The following CFAP70 variants were observed in gnomAD, a reference collection of about 807,000 sequenced individuals.
CFAP70 encodes the protein cilia and flagella associated protein 70.
Under a neutral mutation model 137.6 loss-of-function variants are expected in CFAP70, and 81 were observed. The ratio of observed to expected loss-of-function variants is 0.59; its 90% CI spans 0.49 to 0.71. The LOEUF (loss-of-function observed/expected upper bound fraction) is 0.71. CFAP70 is among the 30% of genes least tolerant of loss of function. CFAP70 has a pLI of 0.00. For synonymous variants in CFAP70, 382 were observed against 423.6 expected (o/e 0.90, Z 1.20); for missense variants, 976 against 1,226.7 (o/e 0.80, Z 3.05).
intron 25 of CFAP70, among the ~76,000 whole-genome samples, chr10:73,268,028 C>T (rs1054765894): frequency 8.5e-5 from 13 of 152,202 alleles, no homozygotes; most frequent in African/African-American, 3.1e-4. Flanking sequence ...AAACTCTCTG[C>T]TTTTAGAAGA....
chr10:73,345,031 G>A (rs781088792), intron 5 of CFAP70, 34 bp downstream of exon 6: 113 of 1,588,132 alleles, frequency 7.1e-5, no homozygotes, highest in Middle Eastern at 1.7e-4. Flanking sequence ...AGACATGTTT[G>A]AATCTCTATA....
intron 12 of CFAP70, among the ~76,000 whole-genome samples, chr10:73,307,683 A>G (rs2049506590): frequency 6.6e-6 from 1 of 152,188 alleles, no homozygotes; most frequent in Non-Finnish European, 1.5e-5. Flanking sequence ...AAACATATAC[A>G]ACAGAACCCC....
intron 12 of CFAP70, among the ~76,000 whole-genome samples, chr10:73,299,958 A>G (rs913538008): frequency 6.6e-6 from 1 of 152,114 alleles, no homozygotes; most frequent in Admixed American, 6.5e-5. Flanking sequence ...GTATTTAAAA[A>G]CTTGTGGTAT....
chr10:73,319,639 G>A (rs10466030), intron 9 of CFAP70, among the ~76,000 whole-genome samples: 16,086 of 152,108 alleles, frequency 0.11, 1,227 homozygotes, highest in East Asian at 0.31. Flanking sequence ...TTAGCGCCTG[G>A]TCTTCCTTGC....
intron 25 of CFAP70, among the ~76,000 whole-genome samples, chr10:73,266,862 C>T (rs571810935): frequency 7.9e-5 from 12 of 152,024 alleles, no homozygotes; most frequent in Non-Finnish European, 1.6e-4. Flanking sequence ...CCTATTATGT[C>T]CTTGTTGAAA....
chr10:73,348,591 C>T lies in CFAP70; in HGVS notation c.251-70G>A. ...TATCCGATAACCAAGCTGCAACAAA[C>T]AAAGCATTGTCAAAGATATGTAAGT... On this transcript the variant is annotated intron_variant, in intron 3 of 26. Coordinates refer to ENST00000310715, the Ensembl canonical transcript of CFAP70. 7.0e-6 allele frequency: 7 copies of T among 1,004,636 alleles called. No homozygotes were observed. In the South Asian group the frequency reaches 1.3e-4, roughly 19 times the overall value. The allele number at this position is 1,004,636 out of a possible 1,614,324, so 62.2% of individuals were successfully genotyped here.
intron 21 of CFAP70, chr10:73,277,030 G>A: frequency 2.4e-6 from 1 of 423,340 alleles, no homozygotes; most frequent in Non-Finnish European, 4.1e-6. Flanking sequence ...GTATTCTACA[G>A]GGAGCAGAAC....
chr10:73,300,575 C>T (rs748532061), intron 12 of CFAP70, among the ~76,000 whole-genome samples: 1 of 152,058 alleles, frequency 6.6e-6, no homozygotes, highest in African/African-American at 2.4e-5. Context: ...AAAATAGATA[C>T]TGAGAGGCCA....
At chr10:73,320,909 C>G (rs141822160) in intron 9 of CFAP70, among the ~76,000 whole-genome samples, 1 of 151,996 alleles carries the variant, frequency 6.6e-6, no homozygotes, top group Admixed American at 6.6e-5. Flanking sequence ...TCAGGTGATC[C>G]GCCCGCCTCG....
intron 16 of CFAP70, among the ~76,000 whole-genome samples, chr10:73,292,319 A>C (rs1332145873): frequency 6.6e-6 from 1 of 152,204 alleles, no homozygotes; most frequent in African/African-American, 2.4e-5. Context: ...TGTATTGTAT[A>C]TCAACCATAT....
intron 19 of CFAP70, among the ~76,000 whole-genome samples, chr10:73,283,683 T>C (rs569578855): frequency 6.6e-6 from 1 of 152,320 alleles, no homozygotes; most frequent in Non-Finnish European, 1.5e-5. Context: ...TAAGCTCTTA[T>C]TGTTTATCCT....
intron 19 of CFAP70, among the ~76,000 whole-genome samples, chr10:73,289,379 G>A (rs2047993040): frequency 6.6e-6 from 1 of 151,948 alleles, no homozygotes; most frequent in South Asian, 2.1e-4. Flanking sequence ...TCTGCCTCCT[G>A]GGTTCAAGCG....
chr10:73,281,500 T>G (rs2047254884), intron 19 of CFAP70, among the ~76,000 whole-genome samples: 1 of 152,030 alleles, frequency 6.6e-6, no homozygotes, highest in African/African-American at 2.4e-5. Flanking sequence ...TTCCTATATA[T>G]CTAGTGATGA....
At chr10:73,268,333 T>G (rs561274173) in intron 25 of CFAP70, among the ~76,000 whole-genome samples, 1 of 152,372 alleles carries the variant, frequency 6.6e-6, no homozygotes, top group African/African-American at 2.4e-5. Flanking sequence ...ATAATTTTAC[T>G]GCCATGTGAT....
intron 5 of CFAP70, 86 bp downstream of exon 6, chr10:73,344,979 A>T: frequency 9.1e-7 from 1 of 1,095,304 alleles, no homozygotes; most frequent in Non-Finnish European, 1.3e-6. Flanking sequence ...CAATGCTTTG[A>T]ATGAAATCTT....
At chr10:73,323,686 G>T (rs981864083) in intron 8 of CFAP70, among the ~76,000 whole-genome samples, 1 of 152,248 alleles carries the variant, frequency 6.6e-6, no homozygotes, top group Non-Finnish European at 1.5e-5. Context: ...CCCGCACCTG[G>T]CTTGGAGGGT....
intron 6 of CFAP70, among the ~76,000 whole-genome samples, chr10:73,338,670 C>T (rs1163497030): frequency 6.6e-6 from 1 of 151,956 alleles, no homozygotes; most frequent in East Asian, 1.9e-4. Flanking sequence ...ACCTTGTGAT[C>T]CACCCGCCTT....
chr10:73,301,856 A>G (rs2048978867), intron 12 of CFAP70, among the ~76,000 whole-genome samples: 1 of 152,238 alleles, frequency 6.6e-6, no homozygotes, highest in African/African-American at 2.4e-5. Context: ...TGAACACCCA[A>G]TCATCACGCT....
chr10:73,284,213 C>T (rs548024574), intron 19 of CFAP70, among the ~76,000 whole-genome samples: 3 of 152,296 alleles, frequency 2.0e-5, no homozygotes, highest in Admixed American at 2.0e-4. Context: ...AGCCCCTTTC[C>T]TCCAACTTCA....
Sources: gnomAD v4.1 joint callset for allele counts (sites outside exome capture counted in the v4.1 genomes callset) on GRCh38, gnomAD v4.1.1 for gene constraint, MANE v1.5 for transcripts, NCBI Gene and HGNC (gene_info 2026-07-23, HGNC 2026-07-21) for gene names.